OTOA: variants seen among roughly 807,000 people sequenced by gnomAD.
OTOA encodes cancer/testis antigen 108.
Under a neutral mutation model 110.8 loss-of-function variants are expected in OTOA, and 70 were observed. That is an observed-to-expected ratio of 0.63 (90% CI 0.52 to 0.77). The LOEUF (loss-of-function observed/expected upper bound fraction) is 0.77. Among genes scored for constraint, OTOA ranks in the 30% least tolerant of loss-of-function variants. The pLI, the probability that OTOA is intolerant of heterozygous loss-of-function variation, is 0.00. For missense variants in OTOA, 917 were observed against 1,075.8 expected (o/e 0.85, Z 2.06); for synonymous variants, 373 against 431.5 (o/e 0.86, Z 1.68).
chr16:21,713,849 C>T (rs1405464658), intron 13 of OTOA, among the ~76,000 whole-genome samples: 1 of 152,158 alleles, frequency 6.6e-6, no homozygotes, highest in Admixed American at 6.5e-5. Context: ...TGTTTCTGGA[C>T]CTTGACTGGG....
In OTOA at chr16:21,737,304, A is replaced by C. The variant is rs78222278; in HGVS notation, c.2431+914A>C. ...TAGTGGCATGATCTCGGCCCACTGC[A>C]ACCTCCACCTCCCAGATTACAGCAA... On this transcript the variant is annotated intron_variant, in intron 22 of 28. Transcript: ENST00000646100. Among the ~76,000 whole-genome samples, 2,129 of 148,090 alleles carry C rather than the reference A, an allele frequency of 0.014. No individual in the cohort carries two copies. In the East Asian group the frequency reaches 0.17, roughly 12 times the overall value.
At chr16:21,695,032 TTC>T (rs10551840) in intron 9 of OTOA, among the ~76,000 whole-genome samples, 39,012 of 151,914 alleles carry the variant, frequency 0.26, 5,184 homozygotes, top group African/African-American at 0.33. Flanking sequence ...TTAAAATTAA[TTC>T]TGTTTGGACT....
chr16:21,757,109 C>T lies in OTOA; in HGVS notation c.3181C>T (p.Leu1061=), dbSNP rs1189071642. The T allele has an allele frequency of 2.1e-6, 1 of 466,014 alleles. No homozygotes were observed. The highest frequency in any genetic ancestry group is 3.7e-6 in the Non-Finnish European group (1 of 269,980). 28.9% of individuals were successfully genotyped at this position (466,014 alleles called of 1,614,324 possible). The part of the protein sequence containing the change: ...KELSAEQIAS[L]GPENAAAVTH... ...GCTGTCCGCGGAGCAGATCGCCTCC[C>T]TGGGTCCGGAGAACGCCGCGGCGGT... The change falls in exon 28 of 29, where the codon CTG becomes TTG. Residue 1061 remains leucine, a synonymous_variant. Transcript: ENST00000646100.
intron 1 of OTOA, among the ~76,000 whole-genome samples, chr16:21,672,428 G>A (rs1432383541): frequency 6.6e-6 from 1 of 152,086 alleles, no homozygotes; most frequent in Non-Finnish European, 1.5e-5. Flanking sequence ...TTCCAGACCA[G>A]CCTGACCAAC....
intron 14 of OTOA, among the ~76,000 whole-genome samples, chr16:21,716,405 A>G (rs1015709706): frequency 9.2e-5 from 14 of 152,104 alleles, no homozygotes; most frequent in African/African-American, 3.4e-4. Context: ...CCCCGTCTCT[A>G]CTAAAAATAC....
intron 13 of OTOA, among the ~76,000 whole-genome samples, chr16:21,713,877 T>C (rs540154407): frequency 2.0e-5 from 3 of 152,314 alleles, no homozygotes; most frequent in Middle Eastern, 3.4e-3. Context: ...GGGTCCACCT[T>C]GACAGTCCTC....
rs1485879142 is a variant in OTOA, at chr16:21,753,327, C to T, written c.3153+203C>T. Reference sequence around the variant, plus strand: ...TGTAGTTTAATTATATTTATTTTTACGGTCATCTTCTCTTCTTCTAGCAGG... The same window carrying T: ...TGTAGTTTAATTATATTTATTTTTATGGTCATCTTCTCTTCTTCTAGCAGG... On this transcript the variant is annotated intron_variant, in intron 27 of 28. Coordinates refer to ENST00000646100, the MANE Select transcript of OTOA (RefSeq NM_144672.4). Among the ~76,000 whole-genome samples the T allele has an allele frequency of 5.8e-5, 6 of 104,092 alleles. 1 individual carries two copies. Among genetic ancestry groups the T allele is most frequent in the Non-Finnish European group, 1.2e-4 (6 of 48,722 alleles). 68.3% of individuals were successfully genotyped at this position (104,092 alleles called of 152,430 possible). A position where few individuals can be genotyped will look rare whatever the true frequency, so the allele number is the denominator to read the frequency against.
chr16:21,732,449 C>A (rs569783753), intron 21 of OTOA, among the ~76,000 whole-genome samples: 1 of 152,136 alleles, frequency 6.6e-6, no homozygotes, highest in East Asian at 1.9e-4. Flanking sequence ...GAACAGTATA[C>A]ACTGCAACAT....
chr16:21,688,408 C>CA (rs948612031), intron 8 of OTOA, among the ~76,000 whole-genome samples: 9 of 151,298 alleles, frequency 5.9e-5, no homozygotes, highest in Non-Finnish European at 2.9e-5. Context: ...AACAAACAAA[C>CA]AAAAAACAAA....
intron 17 of OTOA, among the ~76,000 whole-genome samples, chr16:21,720,272 G>T (rs1046815920): frequency 5.3e-5 from 8 of 152,122 alleles, no homozygotes; most frequent in Non-Finnish European, 8.8e-5. Context: ...TGATTTTTCA[G>T]TGTCTAAGCT....
chr16:21,720,004 G>A (rs1032914837), intron 17 of OTOA, among the ~76,000 whole-genome samples: 27 of 150,680 alleles, frequency 1.8e-4, no homozygotes, highest in Middle Eastern at 6.9e-3. Context: ...CACCCAGGCT[G>A]GAGTACAGTG....
chr16:21,668,459 CTTTTT>C (rs374673931), intron 1 of OTOA, among the ~76,000 whole-genome samples: 2 of 122,066 alleles, frequency 1.6e-5, no homozygotes, highest in Admixed American at 1.7e-4. Flanking sequence ...TTGTTTCTTT[CTTTTT>C]TTTTTTTTTT....
At chr16:21,685,076 TGAG>T (rs1897683607) in intron 6 of OTOA, among the ~76,000 whole-genome samples, 151 bp from the exon 7 acceptor site, 2 of 152,048 alleles carry the variant, frequency 1.3e-5, no homozygotes, top group Admixed American at 6.6e-5. Context: ...TGGCGGCTAA[TGAG>T]GAAATTTGGA....
At chr16:21,705,566 T>C in intron 12 of OTOA, 1 of 458,568 alleles carries the variant, frequency 2.2e-6, no homozygotes, top group East Asian at 4.6e-5. Flanking sequence ...TCCCAGCACT[T>C]TGGGAGGCCA....
chr16:21,705,149 T>C lies in OTOA; in HGVS notation c.981-20T>C. 4.3e-6 allele frequency: 7 copies of C among 1,614,148 alleles called. No individual in the cohort carries two copies. Among genetic ancestry groups the C allele is most frequent in the Non-Finnish European group, 5.9e-6 (7 of 1,180,014 alleles). ...TTCTGCGGTTACACCTCCACCACCA[T>C]CCCTCCTCTTCTCACACAGGCTGGG... is the stretch of plus-strand genomic sequence containing the variant. On this transcript the variant is annotated intron_variant, in intron 11 of 28. Transcript: ENST00000646100.
In OTOA at chr16:21,726,533, C is replaced by T. The variant is rs1306148872; in HGVS notation, c.1891C>T (p.Leu631=). Reference sequence around the variant, plus strand: ...CCCATCTCTCTCCAGGGCCCGCTACCTGGCTTCTGTCCCAGCCTCCCAGTG... The same window carrying T: ...CCCATCTCTCTCCAGGGCCCGCTACTTGGCTTCTGTCCCAGCCTCCCAGTG... ...FLLAALPARY[L]ASVPASQCVP... The change falls in exon 19 of 29, where the codon CTG becomes TTG. Residue 631 remains leucine, a synonymous_variant. Coordinates refer to ENST00000646100, the MANE Select transcript of OTOA (RefSeq NM_144672.4). 2 of 1,613,714 alleles carry T rather than the reference C, an allele frequency of 1.2e-6. No homozygotes were observed. The highest frequency in any genetic ancestry group is 1.7e-6 in the Non-Finnish European group (2 of 1,180,026).
At position 21,734,549 on chromosome 16, in the gene OTOA, A is replaced by G. The variant is rs466164; in HGVS notation, c.2302-1712A>G. On this transcript the variant is annotated intron_variant, in intron 21 of 28. Transcript: ENST00000646100. Reference sequence around the variant, plus strand: ...AAAGTTAAATTAAAAAAAATAAAATAAAAAGGGCCAGGTGCAGTGGCTCAT... The same window carrying G: ...AAAGTTAAATTAAAAAAAATAAAATGAAAAGGGCCAGGTGCAGTGGCTCAT... 6.0e-3 allele frequency among the ~76,000 whole-genome samples: 909 copies of G among 151,408 alleles called. 11 individuals are homozygous for G. Among genetic ancestry groups the G allele is most frequent in the South Asian group, 0.037 (178 of 4,754 alleles).
chr16:21,719,385 A>G lies in OTOA; in HGVS notation c.1689-2A>G. On this transcript the variant is annotated splice_acceptor_variant, in intron 16 of 28. Coordinates refer to ENST00000646100, the MANE Select transcript of OTOA (RefSeq NM_144672.4). LOFTEE classifies it high-confidence loss of function. ...TCCCGAGTGCCTTGTTTTGTTTTCT[A>G]GTGCTGGGCAGCTGGTCAAAGGCGT... The G allele has an allele frequency of 2.5e-6, 4 of 1,613,638 alleles. No homozygotes were observed. Among genetic ancestry groups the G allele is most frequent in the Non-Finnish European group, 3.4e-6 (4 of 1,179,792 alleles).
intron 5 of OTOA, 104 bp from the exon 6 acceptor site, chr16:21,681,634 A>G: frequency 1.1e-6 from 1 of 887,952 alleles, no homozygotes; most frequent in South Asian, 1.4e-5. Flanking sequence ...AAGTCCTAAC[A>G]CCCCTGGTCC....
Sources: allele counts gnomAD v4.1 joint callset (sites outside exome capture counted in the v4.1 genomes callset), GRCh38; gene constraint gnomAD v4.1.1; transcripts MANE v1.5; gene names NCBI Gene and HGNC (gene_info 2026-07-23, HGNC 2026-07-21).